Variants in CDH2 observed in about 807,000 individuals in gnomAD.
The protein encoded by CDH2 is cadherin 2.
CDH2 carries 17 observed loss-of-function variants against 92.0 expected under a neutral mutation model. The observed-to-expected ratio is 0.18, with a 90% confidence interval of 0.13 to 0.28. The LOEUF is 0.28. Among genes scored for constraint, CDH2 ranks in the 10% least tolerant of loss-of-function variants. CDH2 has a pLI of 1.00. For missense variants in CDH2, 862 were observed against 1,133.1 expected, an observed-to-expected ratio of 0.76 and a Z score of 3.44; for synonymous variants, 419 against 415.9, an observed-to-expected ratio of 1.01 and a Z score of -0.09.
At chr18:28,132,143 C>T (rs1464701741) in intron 2 of CDH2, among the ~76,000 whole-genome samples, 1 of 152,218 alleles carries the variant, frequency 6.6e-6, no homozygotes, top group Non-Finnish European at 1.5e-5. Flanking sequence ...TGTACACCAG[C>T]CTCTCATTCC....
intron 2 of CDH2, among the ~76,000 whole-genome samples, chr18:28,044,681 A>G (rs2014035244): frequency 6.6e-6 from 1 of 152,118 alleles, no homozygotes. Flanking sequence ...TTATTTTAAC[A>G]GTATGTTTGG....
chr18:28,050,109 C>T (rs918930914), intron 2 of CDH2, among the ~76,000 whole-genome samples: 4 of 152,194 alleles, frequency 2.6e-5, no homozygotes, highest in African/African-American at 9.7e-5. Context: ...CTGAGCCCCA[C>T]TTGGCTCACA....
intron 14 of CDH2, among the ~76,000 whole-genome samples, chr18:27,969,750 C>T (rs1342084468): frequency 6.6e-6 from 1 of 152,212 alleles, no homozygotes; most frequent in East Asian, 1.9e-4. Flanking sequence ...GGTGCGGCGG[C>T]TCACGCCTGT....
intron 2 of CDH2, among the ~76,000 whole-genome samples, chr18:28,063,632 C>T (rs1490605974): frequency 6.6e-6 from 1 of 152,302 alleles, no homozygotes; most frequent in East Asian, 1.9e-4. Flanking sequence ...TAAATGTCAG[C>T]AGGAGGCCCA....
rs200498784 is a variant in CDH2, at chr18:27,952,334, G to T, written c.2540C>A (p.Pro847His). ...NEGLKAADND[P>H]TAPPYDSLLV... ...CAGGGAGTCATATGGTGGAGCTGTG[G>T]GGTCATTGTCAGCCGCTTTAAGGCC... Residue 847 changes from proline (P) to histidine (H), a missense_variant, in exon 16 of 16, where the codon CCC becomes CAC. Pro to His is a moderately conservative substitution (Grantham distance 77). Around this residue, in one of 5 missense-constraint regions of CDH2, gnomAD observed 114 missense variants for 144.8 expected, o/e 0.79. Coordinates refer to ENST00000269141, the MANE Select transcript of CDH2 (RefSeq NM_001792.5). The T allele has an allele frequency of 6.2e-7, 1 of 1,613,406 alleles. No individual in the cohort carries two copies. Among genetic ancestry groups the T allele is most frequent in the African/African-American group, 1.3e-5 (1 of 74,844 alleles).
intron 3 of CDH2, 150 bp from the exon 4 acceptor site, chr18:28,012,142 A>G (rs2013119306): frequency 8.2e-6 from 5 of 609,580 alleles, no homozygotes; most frequent in Non-Finnish European, 8.0e-6. Flanking sequence ...GCCCCCTATT[A>G]AAATAACAGA....
At chr18:28,016,338 T>C (rs1340770500) in intron 2 of CDH2, among the ~76,000 whole-genome samples, 4 of 152,182 alleles carry the variant, frequency 2.6e-5, no homozygotes. Context: ...TAAGTGCTCA[T>C]TAAATATCCA....
intron 14 of CDH2, among the ~76,000 whole-genome samples, chr18:27,976,785 A>C (rs538088044): frequency 6.6e-6 from 1 of 152,282 alleles, no homozygotes; most frequent in South Asian, 2.1e-4. Context: ...GAGAGGTTTA[A>C]AGTGAGCACC....
intron 2 of CDH2, among the ~76,000 whole-genome samples, chr18:28,093,886 C>T (rs2015079650): frequency 6.6e-6 from 1 of 152,018 alleles, no homozygotes; most frequent in African/African-American, 2.4e-5. Context: ...TTCTCAGCTC[C>T]CTGAGGCATG....
intron 14 of CDH2, among the ~76,000 whole-genome samples, chr18:27,968,425 G>A (rs552930034): frequency 6.6e-6 from 1 of 152,160 alleles, no homozygotes; most frequent in South Asian, 2.1e-4. Flanking sequence ...CTGGAGGGGG[G>A]AGTTTAAGAT....
At chr18:28,006,610 C>A (rs745964515) in intron 5 of CDH2, among the ~76,000 whole-genome samples, 4 of 150,484 alleles carry the variant, frequency 2.7e-5, no homozygotes, top group Non-Finnish European at 4.4e-5. Flanking sequence ...TCTGTAAGCC[C>A]AGCTACTTGG....
At position 28,041,591 on chromosome 18, in the gene CDH2, T is replaced by C. The variant is rs17535538; in HGVS notation, c.173-27682A>G. Among the ~76,000 whole-genome samples, 564 of 152,286 alleles carry C rather than the reference T, an allele frequency of 3.7e-3. 3 individuals carry two copies. Among genetic ancestry groups the C allele is most frequent in the African/African-American group, 0.012 (510 of 41,564 alleles). ...GCCACAGCAGTGCACGCAACACTGT[T>C]AGCAGACTCAAAGAGATTAGGGTAG... is the stretch of plus-strand genomic sequence containing the variant. On this transcript the variant is annotated intron_variant, in intron 2 of 15. Transcript: ENST00000269141.
chr18:28,009,724 C>A lies in CDH2; in HGVS notation c.695G>T (p.Arg232Leu). The change falls in exon 5 of 16, where the codon CGG (arginine) becomes CTG (leucine). Residue 232 changes from arginine (R) to leucine (L), a missense_variant. Transcript: ENST00000269141. ...TKPLDREQIARFHLRAHAVDI... is the reference protein window; with the variant it reads ...TKPLDREQIALFHLRAHAVDI... ...AGCTGGTTGGAATCTTACATGAAAC[C>A]GGGCTATCTGCTCGCGATCCAGGGG... 4.3e-6 allele frequency: 7 copies of A among 1,613,324 alleles called. No individual in the cohort carries two copies. Among genetic ancestry groups the A allele is most frequent in the Non-Finnish European group, 5.9e-6 (7 of 1,179,670 alleles).
intron 14 of CDH2, chr18:27,963,818 C>T: frequency 1.0e-5 from 3 of 295,640 alleles, no homozygotes; most frequent in South Asian, 1.1e-4. Context: ...AAAAAACCGA[C>T]TAGACAATAT....
At chr18:27,936,989 T>A (rs1909034868) in intron 6 of CDH2, among the ~76,000 whole-genome samples, 1 of 152,220 alleles carries the variant, frequency 6.6e-6, no homozygotes, top group Non-Finnish European at 1.5e-5. Context: ...CAACTGAATG[T>A]GCTGGTAAAA....
In CDH2 at chr18:27,952,379, A is replaced by T; in HGVS notation, c.2515-20T>A. 6.3e-7 allele frequency: 1 copy of T among 1,594,288 alleles called. No homozygotes were observed. The highest frequency in any genetic ancestry group is 8.6e-7 in the Non-Finnish European group (1 of 1,162,336). On this transcript the variant is annotated intron_variant, in intron 15 of 15. Transcript: ENST00000269141. Reference sequence around the variant, plus strand: ...AAGGCCCTGCAATTTGGAAACACAAAGAATGAAAGAATTAAGAGAGGGTTA... The same window carrying T: ...AAGGCCCTGCAATTTGGAAACACAATGAATGAAAGAATTAAGAGAGGGTTA...
intron 2 of CDH2, among the ~76,000 whole-genome samples, chr18:28,117,839 A>C (rs2015520631): frequency 6.6e-6 from 1 of 152,088 alleles, no homozygotes. Flanking sequence ...CAGCTGAGCC[A>C]AACCCCAATC....
intron 2 of CDH2, among the ~76,000 whole-genome samples, chr18:28,137,818 A>C (rs545419416): frequency 1.3e-5 from 2 of 152,084 alleles, no homozygotes; most frequent in Non-Finnish European, 2.9e-5. Flanking sequence ...TTTTCAGGAG[A>C]GATCTAAAGC....
At chr18:27,992,905 T>C in intron 8 of CDH2, 65 bp from the exon 9 acceptor site, 1 of 1,230,664 alleles carries the variant, frequency 8.1e-7, no homozygotes, top group Non-Finnish European at 1.1e-6. Flanking sequence ...CTTGTCTTGA[T>C]GACCACACCG....
Sources: gnomAD v4.1 joint callset for allele counts (sites outside exome capture counted in the v4.1 genomes callset) on GRCh38, gnomAD v4.1.1 for gene constraint, gnomAD v4.1.1 regional missense constraint, MANE v1.5 for transcripts, NCBI Gene and HGNC (gene_info 2026-07-23, HGNC 2026-07-21) for gene names.